Variants in CHRNB3 observed in about 807,000 individuals in gnomAD.
The protein encoded by CHRNB3 is cholinergic receptor nicotinic beta 3 subunit, also known as neuronal acetylcholine receptor subunit beta-3.
Under a neutral mutation model 40.6 loss-of-function variants are expected in CHRNB3, and 37 were observed. The observed-to-expected ratio is 0.91, with a 90% CI of 0.70 to 1.20. CHRNB3 has a LOEUF of 1.20. Ranked by LOEUF, CHRNB3 falls within the 50% of genes most tolerant of loss-of-function variation. The pLI is 0.00. For synonymous variants in CHRNB3, 207 were observed against 207.1 expected, an observed-to-expected ratio of 1.00 and a Z score of 0.00; for missense variants, 505 against 551.2, an observed-to-expected ratio of 0.92 and a Z score of 0.84.
At chr8:42,717,673 C>T (rs1343452316) in intron 3 of CHRNB3, among the ~76,000 whole-genome samples, 4 of 151,910 alleles carry the variant, frequency 2.6e-5, no homozygotes, top group African/African-American at 9.7e-5. Flanking sequence ...GTCACTTCAC[C>T]TCTCTGACCC....
intron 3 of CHRNB3, among the ~76,000 whole-genome samples, chr8:42,724,090 AAAAAAG>A (rs199654226): frequency 0.057 from 8,637 of 151,970 alleles, 321 homozygotes; most frequent in Middle Eastern, 0.11. Context: ...CCATCTCAAA[AAAAAAG>A]AAAAAGAAAA....
At chr8:42,729,948 A>T (rs1282356308) in intron 3 of CHRNB3, among the ~76,000 whole-genome samples, 1 of 152,182 alleles carries the variant, frequency 6.6e-6, no homozygotes, top group East Asian at 1.9e-4. Flanking sequence ...TTTCATCCTT[A>T]TGAAGAAAAA....
Position 42,703,435 on chromosome 8 carries a change from A to AAAAAAAAAATATATATATAT in CHRNB3, c.53-5281_53-5280insAAAAAAAATATATATATATA. Among the ~76,000 whole-genome samples, 110 of 47,372 alleles carry AAAAAAAAAATATATATATAT rather than the reference A, an allele frequency of 2.3e-3. 16 individuals are homozygous for AAAAAAAAAATATATATATAT. Among genetic ancestry groups the AAAAAAAAAATATATATATAT allele is most frequent in the Non-Finnish European group, 3.6e-3 (78 of 21,508 alleles). The allele number at this position is 47,372 out of a possible 152,430, so 31.1% of individuals were successfully genotyped here. A position where few individuals can be genotyped will look rare whatever the true frequency, so the allele number is the denominator to read the frequency against. ...CAAGACTTCGTCTAAAAAAAAAAAA[A>AAAAAAAAAATATATATATAT]ATATTTATATATATATATATATATA... On this transcript the variant is annotated intron_variant, in intron 1 of 5. Transcript: ENST00000289957.
At chr8:42,718,660 A>G (rs78321924) in intron 3 of CHRNB3, among the ~76,000 whole-genome samples, 8,479 of 133,288 alleles carry the variant, frequency 0.064, 352 homozygotes, top group Middle Eastern at 0.12. Flanking sequence ...GTGACAGAGC[A>G]AGACTCTGTC....
chr8:42,705,201 C>G (rs1400348359), intron 1 of CHRNB3, among the ~76,000 whole-genome samples: 1 of 152,190 alleles, frequency 6.6e-6, no homozygotes, highest in Admixed American at 6.5e-5. Flanking sequence ...ATAGGCCATT[C>G]CCAGATGCAA....
intron 4 of CHRNB3, 118 bp from the exon 5 acceptor site, chr8:42,731,549 C>T (rs1191876648): frequency 2.7e-6 from 3 of 1,115,224 alleles, no homozygotes; most frequent in Non-Finnish European, 3.7e-6. Context: ...AGTGAGACTC[C>T]ATCTCAAAAA....
intron 1 of CHRNB3, among the ~76,000 whole-genome samples, chr8:42,699,252 C>T (rs534310251): frequency 8.5e-5 from 13 of 152,244 alleles, no homozygotes; most frequent in African/African-American, 3.1e-4. Flanking sequence ...TGGGTTGTCT[C>T]TCATATTGCT....
At chr8:42,713,490 C>A (rs1816052389) in intron 3 of CHRNB3, among the ~76,000 whole-genome samples, 1 of 152,120 alleles carries the variant, frequency 6.6e-6, no homozygotes, top group Non-Finnish European at 1.5e-5. Context: ...AGCCCACTGA[C>A]TGAAGTTCCC....
intron 1 of CHRNB3, among the ~76,000 whole-genome samples, chr8:42,698,504 C>A (rs1815718434): frequency 6.6e-6 from 1 of 152,116 alleles, no homozygotes; most frequent in Non-Finnish European, 1.5e-5. Flanking sequence ...GGAGATTTGC[C>A]CAAATCCAGA....
At chr8:42,722,916 T>G (rs4236926) in intron 3 of CHRNB3, among the ~76,000 whole-genome samples, 92,996 of 151,984 alleles carry the variant, frequency 0.61, 32,950 homozygotes, top group East Asian at 0.8. Context: ...CTGTTACTTA[T>G]ATATTTTACT....
At chr8:42,717,416 T>TGTGGAAA (rs1305480907) in intron 3 of CHRNB3, among the ~76,000 whole-genome samples, 1 of 121,340 alleles carries the variant, frequency 8.2e-6, no homozygotes, top group East Asian at 2.7e-4. Context: ...GCCGACCTGT[T>TGTGGAAA]GTGGAAAGGT....
At chr8:42,714,964 C>G (rs922004144) in intron 3 of CHRNB3, 1 of 152,084 alleles carries the variant, frequency 6.6e-6, no homozygotes, top group Non-Finnish European at 1.5e-5. Flanking sequence ...GGCTTTGATT[C>G]CTCAGTCTCC....
intron 3 of CHRNB3, among the ~76,000 whole-genome samples, chr8:42,726,454 C>T (rs1408801140): frequency 6.7e-6 from 1 of 149,086 alleles, no homozygotes; most frequent in Non-Finnish European, 1.5e-5. Flanking sequence ...TAACAATGAA[C>T]GACTGGAATT....
Position 42,709,830 on chromosome 8 carries a change from C to T in CHRNB3, c.205-560C>T, listed in dbSNP as rs188801152. Among the ~76,000 whole-genome samples the T allele has an allele frequency of 1.8e-3, 279 of 152,228 alleles. 1 individual carries two copies. The highest frequency in any genetic ancestry group is 6.4e-3 in the African/African-American group (266 of 41,534). On this transcript the variant is annotated intron_variant, in intron 2 of 5. Coordinates refer to ENST00000289957, the MANE Select transcript of CHRNB3 (RefSeq NM_000749.5). Reference sequence around the variant, plus strand: ...TATTTTTAGTAGAGACGGGGTTTCGCCATGTTGGACAGGCTGGTCTCGAAC... The same window carrying T: ...TATTTTTAGTAGAGACGGGGTTTCGTCATGTTGGACAGGCTGGTCTCGAAC...
chr8:42,733,838 C>CA (rs1395396095), intron 5 of CHRNB3, among the ~76,000 whole-genome samples: 3 of 151,378 alleles, frequency 2.0e-5, no homozygotes, highest in Non-Finnish European at 2.9e-5. Flanking sequence ...TCGGGTGATC[C>CA]ACTGCCTCAG....
chr8:42,710,351 C>T (rs79465339), intron 2 of CHRNB3, 39 bp from the exon 3 acceptor site: 40 of 1,469,638 alleles, frequency 2.7e-5, no homozygotes, highest in Non-Finnish European at 3.6e-5. Context: ...CTTATTTTCA[C>T]TTCAACTTAC....
At chr8:42,714,169 G>A in intron 3 of CHRNB3, among the ~76,000 whole-genome samples, 1 of 152,142 alleles carries the variant, frequency 6.6e-6, no homozygotes. Flanking sequence ...GAGGCATTGA[G>A]CTCTGCCATG....
intron 3 of CHRNB3, among the ~76,000 whole-genome samples, chr8:42,718,046 G>C (rs907680051): frequency 1.3e-5 from 2 of 150,498 alleles, no homozygotes; most frequent in South Asian, 4.3e-4. Context: ...GGCTAGGCTG[G>C]TCTGGAACTC....
rs756503769 is a variant in CHRNB3, at chr8:42,710,341, C to T, written c.205-49C>T. On this transcript the variant is annotated intron_variant, in intron 2 of 5. Transcript: ENST00000289957. ...TCTAAAACAACAACAAAAATCACAACTTATTTTCACTTCAACTTACAGTAT... is the reference window on the plus strand; with the variant it reads ...TCTAAAACAACAACAAAAATCACAATTTATTTTCACTTCAACTTACAGTAT... 9.9e-6 allele frequency: 14 copies of T among 1,407,220 alleles called. No homozygotes were observed. In the Admixed American group the frequency reaches 2.3e-4, roughly 23 times the overall value. The allele number at this position is 1,407,220 out of a possible 1,614,324, so 87.2% of individuals were successfully genotyped here.
Sources: gnomAD v4.1 joint callset for allele counts (sites outside exome capture counted in the v4.1 genomes callset) on GRCh38, gnomAD v4.1.1 for gene constraint, MANE v1.5 for transcripts, NCBI Gene and HGNC (gene_info 2026-07-23, HGNC 2026-07-21) for gene names.